The following ZNF529 variants were observed in gnomAD, a reference collection of about 807,000 sequenced individuals.
ZNF529 encodes zinc finger protein 529.
Under a neutral mutation model 10.1 loss-of-function variants are expected in ZNF529, and 11 were observed. The ratio of observed to expected loss-of-function variants is 1.09; its 90% confidence interval spans 0.69 to 1.81. The LOEUF is 1.81. ZNF529 is among the 40% of genes most tolerant of loss of function. ZNF529 has a pLI of 0.00. For synonymous variants in ZNF529, 204 were observed against 215.7 expected (o/e 0.95, Z 0.47); for missense variants, 624 against 666.8 (o/e 0.94, Z 0.71).
intron 2 of ZNF529, among the ~76,000 whole-genome samples, chr19:36,567,051 T>C (rs979691060): frequency 6.6e-6 from 1 of 151,578 alleles, no homozygotes; most frequent in African/African-American, 2.4e-5. Flanking sequence ...TTGCAACAGA[T>C]TCAGCCAAAA....
chr19:36,600,647 A>G (rs2036909418), intron 1 of ZNF529, among the ~76,000 whole-genome samples: 1 of 152,182 alleles, frequency 6.6e-6, no homozygotes, highest in African/African-American at 2.4e-5. Flanking sequence ...TTTGGGTTGT[A>G]TATACCCTTA....
In ZNF529 at chr19:36,547,466, T is replaced by C. The variant is rs191061938; in HGVS notation, c.1092A>G (p.Lys364=). ...TCCCACATTCCTTACATGCATAAGG[T>C]TTCTCACCAGTGTGAATTCTCTGAT... ...IEHQRIHTGE[K]PYACKECGKA... is the part of the protein sequence containing the mutation. Residue 364 remains lysine (K), a synonymous_variant, in exon 5 of 5, where the codon AAA becomes AAG. Transcript: ENST00000591340. 3 of 1,614,096 alleles carry C rather than the reference T, an allele frequency of 1.9e-6. No individual in the cohort carries two copies. The East Asian group carries it at 6.7e-5, about 36-fold the overall frequency.
chr19:36,579,768 T>C (rs756237046), intron 2 of ZNF529, among the ~76,000 whole-genome samples: 28 of 152,194 alleles, frequency 1.8e-4, no homozygotes, highest in South Asian at 4.1e-4. Flanking sequence ...TGTGAGAGAA[T>C]GCTAAGGACT....
intron 1 of ZNF529, among the ~76,000 whole-genome samples, chr19:36,603,499 A>T (rs1161869628): frequency 1.3e-5 from 2 of 152,224 alleles, no homozygotes; most frequent in Non-Finnish European, 2.9e-5. Context: ...GCATTTCATA[A>T]AACAAAGAAA....
At chr19:36,574,521 G>A (rs1027721521), upstream of ZNF529, among the ~76,000 whole-genome samples, 1 of 152,068 alleles carries the variant, frequency 6.6e-6, no homozygotes, top group Admixed American at 6.6e-5. Context: ...CCAAGAGGAG[G>A]GGTCCATTCA....
chr19:36,592,884 T>G (rs191327486), intron 1 of ZNF529, among the ~76,000 whole-genome samples: 2 of 152,178 alleles, frequency 1.3e-5, no homozygotes, highest in Non-Finnish European at 2.9e-5. Context: ...TATAAAAAAT[T>G]ATCGGACAAA....
intron 1 of ZNF529, among the ~76,000 whole-genome samples, chr19:36,597,694 C>T (rs1315096762): frequency 6.6e-6 from 1 of 152,030 alleles, no homozygotes; most frequent in Non-Finnish European, 1.5e-5. Context: ...ACTCAAATTT[C>T]CAACAATAGA....
chr19:36,547,881 G>A lies in ZNF529; in HGVS notation c.677C>T (p.Pro226Leu), dbSNP rs2145785636. 6.2e-7 allele frequency: 1 copy of A among 1,611,886 alleles called. No homozygotes were observed. Among genetic ancestry groups the A allele is most frequent in the Admixed American group, 1.7e-5 (1 of 59,916 alleles). ...ATTCCCATATTCCATATATTTACAA[G>A]GTTTCACACCAGTATGAATATTCAG... is the stretch of plus-strand genomic sequence containing the variant. ...LQLNIHTGVK[P>L]CKYMEYGNTC... Residue 226 changes from proline (P) to leucine (L), a missense_variant, in exon 5 of 5, where the codon CCT becomes CTT. By Grantham distance (98) the Pro-to-Leu change is moderately conservative. Coordinates refer to ENST00000591340, the MANE Select transcript of ZNF529 (RefSeq NM_020951.5).
At position 36,588,669 on chromosome 19, in the gene ZNF529, T is replaced by C. The variant is rs75117226; in HGVS notation, c.-41+946A>G. 1.6e-4 allele frequency among the ~76,000 whole-genome samples: 24 copies of C among 152,142 alleles called. 1 individual carries two copies. In the East Asian group the frequency reaches 4.6e-3, roughly 29 times the overall value. Reference sequence around the variant, plus strand: ...GGGGCCATGACAAATATTAGGGAAATGGAAAAGTAGAATGAGATCCATCCA... The same window carrying C: ...GGGGCCATGACAAATATTAGGGAAACGGAAAAGTAGAATGAGATCCATCCA... On this transcript the variant is annotated intron_variant, in intron 2 of 4. Coordinates refer to the ZNF529 transcript ENST00000585960.
At chr19:36,592,869 T>C (rs1425433233) in intron 1 of ZNF529, among the ~76,000 whole-genome samples, 2 of 152,154 alleles carry the variant, frequency 1.3e-5, no homozygotes, top group Non-Finnish European at 2.9e-5. Flanking sequence ...ATGATCACTT[T>C]AGTATATAAA....
intron 2 of ZNF529, chr19:36,580,818 A>G (rs1158064420): frequency 6.6e-6 from 1 of 151,870 alleles, no homozygotes; most frequent in Non-Finnish European, 1.5e-5. Flanking sequence ...ACACAATGAC[A>G]GTAAAAAAAT....
At chr19:36,605,303 G>T (rs559094141), upstream of ZNF529, 4 of 152,540 alleles carry the variant, frequency 2.6e-5, no homozygotes, top group Admixed American at 2.6e-4. Flanking sequence ...CCACGCGCGA[G>T]TGCGCAGGCG....
In ZNF529 at chr19:36,547,210, A is replaced by G. The variant is rs770236184; in HGVS notation, c.1348T>C (p.Tyr450His). 2 of 1,613,628 alleles carry G rather than the reference A, an allele frequency of 1.2e-6. No individual in the cohort carries two copies. Among genetic ancestry groups the G allele is most frequent in the Non-Finnish European group, 1.7e-6 (2 of 1,179,622 alleles). ...HERIHSGQKP[Y>H]ECKECGKFFR... ...AACTTTCCACACTCCTTACATTCAT[A>G]AGGTTTTTGACCACTGTGAATTCTT... The change falls in exon 5 of 5, where the codon TAT becomes CAT. Residue 450 changes from tyrosine to histidine, a missense_variant. Physicochemically the swap from Tyr to His is moderately conservative, Grantham distance 83. Coordinates refer to ENST00000591340, the MANE Select transcript of ZNF529 (RefSeq NM_020951.5).
rs1444897599 is a variant in ZNF529 at position 36,547,110 on chromosome 19, C to T, written c.1448G>A (p.Cys483Tyr). Residue 483 changes from cysteine to tyrosine, a missense_variant, in exon 5 of 5, where the codon TGT becomes TAT. Cys to Tyr is a radical substitution (Grantham distance 194, BLOSUM62 -2). Coordinates refer to ENST00000591340, the MANE Select transcript of ZNF529 (RefSeq NM_020951.5). ...SGEKPYECKV[C>Y]GKAFRHSSAL... ...TGAACTATGTCTAAAGGCCTTCCCACATACCTTACATTCATAAGGTTTCTC... is the reference window on the plus strand; with the variant it reads ...TGAACTATGTCTAAAGGCCTTCCCATATACCTTACATTCATAAGGTTTCTC... The T allele has an allele frequency of 1.2e-6, 2 of 1,613,982 alleles. No individual in the cohort carries two copies. Among genetic ancestry groups the T allele is most frequent in the Admixed American group, 1.7e-5 (1 of 59,998 alleles).
chr19:36,591,315 AAAAT>A (rs1220952630), intron 1 of ZNF529, among the ~76,000 whole-genome samples: 1 of 150,982 alleles, frequency 6.6e-6, no homozygotes, highest in African/African-American at 2.4e-5. Context: ...AAAAAAAAAG[AAAAT>A]AATTATTATA....
chr19:36,574,961 T>C, upstream of ZNF529: 4 of 467,966 alleles, frequency 8.5e-6, no homozygotes, highest in South Asian at 6.2e-5. Context: ...TAGTTGTGAT[T>C]TGTGTGTGTG....
intron 2 of ZNF529, among the ~76,000 whole-genome samples, chr19:36,561,255 G>A (rs931175904): frequency 1.3e-5 from 2 of 152,202 alleles, no homozygotes; most frequent in Admixed American, 1.3e-4. Context: ...TGGCTCCAGT[G>A]GGCCCAGGTG....
intron 2 of ZNF529, among the ~76,000 whole-genome samples, chr19:36,559,247 A>G (rs532903041): frequency 7.2e-5 from 11 of 152,354 alleles, no homozygotes; most frequent in Non-Finnish European, 1.5e-4. Context: ...TAAAAATAGG[A>G]CAACCATACA....
rs556136868 is a variant in ZNF529, at chr19:36,581,591, G to T, written c.-41+8024C>A. ...TGTTGGAGGTGGCGCCTAGTGGGAG[G>T]TGTTGGATTATGGGGTGGATCTCAT... On this transcript the variant is annotated intron_variant, in intron 2 of 4. Coordinates refer to the ZNF529 transcript ENST00000585960. The T allele has an allele frequency of 2.0e-5, 3 of 152,308 alleles. No homozygotes were observed. The East Asian group carries it at 5.8e-4, about 29-fold the overall frequency. 9.4% of individuals were successfully genotyped at this position (152,308 alleles called of 1,614,324 possible).
Sources: allele counts gnomAD v4.1 joint callset (sites outside exome capture counted in the v4.1 genomes callset), GRCh38; gene constraint gnomAD v4.1.1; transcripts MANE v1.5; gene names NCBI Gene and HGNC (gene_info 2026-07-23, HGNC 2026-07-21).